The following CSMD1 variants were observed in gnomAD, a reference collection of about 807,000 sequenced individuals.
CSMD1 encodes the protein CUB and sushi domain-containing protein 1.
A neutral mutation model predicts 417.5 loss-of-function variants in CSMD1; 213 were observed. That is an observed-to-expected ratio of 0.51 (90% CI 0.46 to 0.57). The LOEUF (loss-of-function observed/expected upper bound fraction) is 0.57, where lower values mean the gene tolerates loss of function less well. Among genes scored for constraint, CSMD1 ranks in the 20% least tolerant of loss-of-function variants. The pLI, the probability that CSMD1 is intolerant of heterozygous loss-of-function variation, is 0.00. For synonymous variants in CSMD1, 2,862 were observed against 1,736.8 expected (o/e 1.65, Z -16.11); for missense variants, 6,923 against 4,529.7 (o/e 1.53, Z -15.17).
At chr8:4,496,062 G>A (rs1801962160) in intron 2 of CSMD1, among the ~76,000 whole-genome samples, 1 of 152,036 alleles carries the variant, frequency 6.6e-6, no homozygotes, top group Non-Finnish European at 1.5e-5. Context: ...TTTTTCTTTT[G>A]TTCCACTTAA....
At chr8:3,318,168 A>G (rs1392363964) in intron 23 of CSMD1, among the ~76,000 whole-genome samples, 1 of 152,190 alleles carries the variant, frequency 6.6e-6, no homozygotes, top group Non-Finnish European at 1.5e-5. Flanking sequence ...TATATATAGT[A>G]CCTTAGGCTT....
At chr8:3,133,913 G>A (rs544291061) in intron 41 of CSMD1, among the ~76,000 whole-genome samples, 2 of 152,296 alleles carry the variant, frequency 1.3e-5, no homozygotes, top group African/African-American at 2.4e-5. Flanking sequence ...GGTGGCTCAC[G>A]CCTGTAATCT....
intron 11 of CSMD1, among the ~76,000 whole-genome samples, chr8:3,491,679 G>C (rs1818389155): frequency 6.6e-6 from 1 of 152,292 alleles, no homozygotes; most frequent in African/African-American, 2.4e-5. Flanking sequence ...AGAACAGTTG[G>C]CTAGTGCTTT....
chr8:4,169,487 C>A (rs1005488129), intron 3 of CSMD1, among the ~76,000 whole-genome samples: 1 of 152,166 alleles, frequency 6.6e-6, no homozygotes, highest in South Asian at 2.1e-4. Flanking sequence ...ATTCTGACCA[C>A]CTCTACTGCG....
At chr8:4,721,383 A>G (rs1809041880) in intron 1 of CSMD1, among the ~76,000 whole-genome samples, 1 of 152,198 alleles carries the variant, frequency 6.6e-6, no homozygotes, top group South Asian at 2.1e-4. Flanking sequence ...TAAACTAAGA[A>G]TCATCAAATA....
chr8:4,920,690 G>A lies in CSMD1; in HGVS notation c.85+73642C>T, dbSNP rs375649610. ...CCAAAAAAATAGCCATGCGTGGGTG[G>A]TGCATGTCTGCAATCCCAGCTACTT... is the stretch of plus-strand genomic sequence containing the variant. On this transcript the variant is annotated intron_variant, in intron 1 of 69. Transcript: ENST00000635120. Among the ~76,000 whole-genome samples, 5 of 151,888 alleles carry A rather than the reference G, an allele frequency of 3.3e-5. No individual in the cohort carries two copies. In the Middle Eastern group the frequency reaches 0.01, roughly 310 times the overall value.
chr8:3,628,540 C>G (rs1169070898), intron 7 of CSMD1, among the ~76,000 whole-genome samples: 3 of 152,162 alleles, frequency 2.0e-5, no homozygotes, highest in Non-Finnish European at 4.4e-5. Flanking sequence ...GTGATGAAAG[C>G]CAGAGCTGGT....
chr8:4,046,595 C>A (rs1015220045), intron 3 of CSMD1, among the ~76,000 whole-genome samples: 2 of 152,098 alleles, frequency 1.3e-5, no homozygotes, highest in African/African-American at 4.8e-5. Context: ...TTCTGAAGAC[C>A]TACTGTTGAT....
intron 64 of CSMD1, 125 bp from the exon 65 acceptor site, chr8:2,954,393 C>G: frequency 1.8e-6 from 1 of 566,438 alleles, no homozygotes; most frequent in South Asian, 2.2e-5. Context: ...ATATGAATAC[C>G]TTATACATAT....
chr8:3,539,637 C>CCCCAT (rs1798354353), intron 10 of CSMD1, among the ~76,000 whole-genome samples: 1 of 152,090 alleles, frequency 6.6e-6, no homozygotes, highest in Non-Finnish European at 1.5e-5. Flanking sequence ...AGGCTCCCTC[C>CCCCAT]CCCATCCCTC....
chr8:4,420,089 A>G, intron 2 of CSMD1, 24 bp from the exon 3 acceptor site: 1 of 1,488,118 alleles, frequency 6.7e-7, no homozygotes, highest in Middle Eastern at 1.7e-4. Context: ...ACAAGACACA[A>G]AGAGAGTTAA....
chr8:4,240,427 T>G (rs2128821149), intron 3 of CSMD1, among the ~76,000 whole-genome samples: 1 of 152,346 alleles, frequency 6.6e-6, no homozygotes, highest in Non-Finnish European at 1.5e-5. Flanking sequence ...CCCTGTAGAC[T>G]TCAAGATTCA....
chr8:4,534,290 G>A (rs992598174), intron 2 of CSMD1, among the ~76,000 whole-genome samples: 3 of 152,188 alleles, frequency 2.0e-5, no homozygotes, highest in African/African-American at 7.2e-5. Flanking sequence ...AAGGAGGCCA[G>A]CCCGACTCAT....
chr8:3,105,473 G>C (rs933977742), intron 46 of CSMD1, among the ~76,000 whole-genome samples: 14 of 152,202 alleles, frequency 9.2e-5, no homozygotes, highest in Non-Finnish European at 4.4e-5. Context: ...GAGCATTTGA[G>C]CTTATGTAAA....
intron 26 of CSMD1, among the ~76,000 whole-genome samples, chr8:3,267,114 G>A (rs969030217): frequency 2.6e-5 from 4 of 152,128 alleles, no homozygotes; most frequent in African/African-American, 7.2e-5. Flanking sequence ...GAGAGAAAGA[G>A]GCTTCCACCC....
At chr8:3,468,120 G>C (rs752387785) in intron 12 of CSMD1, among the ~76,000 whole-genome samples, 113 of 152,220 alleles carry the variant, frequency 7.4e-4, no homozygotes, top group Non-Finnish European at 1.1e-3. Flanking sequence ...AAATAAACTT[G>C]CTAATCCATT....
intron 1 of CSMD1, among the ~76,000 whole-genome samples, chr8:4,676,556 G>C (rs1427821492): frequency 6.6e-6 from 1 of 152,168 alleles, no homozygotes; most frequent in African/African-American, 2.4e-5. Context: ...ACTAGCACCA[G>C]TTTAGCACAA....
At position 4,920,905 on chromosome 8, in the gene CSMD1, A is replaced by G. The variant is rs1313079023; in HGVS notation, c.85+73427T>C. ...AGAAAAGAAAAGAAAAGAAAAGAAA[A>G]GAAAAGAAAAGAAAAGAAAAGAAAG... On this transcript the variant is annotated intron_variant, in intron 1 of 69. Transcript: ENST00000635120. Among the ~76,000 whole-genome samples, 4 of 54,556 alleles carry G rather than the reference A, an allele frequency of 7.3e-5. No individual in the cohort carries two copies. In the East Asian group the frequency reaches 1.0e-3, roughly 14 times the overall value. 35.8% of individuals were successfully genotyped at this position (54,556 alleles called of 152,430 possible).
intron 1 of CSMD1, among the ~76,000 whole-genome samples, chr8:4,718,000 C>G (rs964328610): frequency 3.3e-5 from 5 of 152,140 alleles, no homozygotes; most frequent in Admixed American, 1.3e-4. Context: ...TGTTTTGAGA[C>G]TGGGTCTTGC....
Sources: gnomAD v4.1 joint callset for allele counts (sites outside exome capture counted in the v4.1 genomes callset) on GRCh38, gnomAD v4.1.1 for gene constraint, MANE v1.5 for transcripts, NCBI Gene and HGNC (gene_info 2026-07-23, HGNC 2026-07-21) for gene names.